SLC25A26: variants seen among roughly 807,000 people sequenced by gnomAD.
SLC25A26 encodes the protein solute carrier family 25 member 26, also known as mitochondrial S-adenosylmethionine carrier protein.
A neutral mutation model predicts 37.8 loss-of-function variants in SLC25A26; 36 were observed. The observed-to-expected ratio is 0.95, with a 90% CI of 0.73 to 1.26. The LOEUF (loss-of-function observed/expected upper bound fraction) is 1.26. Ranked by LOEUF, SLC25A26 falls within the 50% of genes most tolerant of loss-of-function variation. The pLI is 0.00. For missense variants in SLC25A26, 390 were observed against 331.1 expected (o/e 1.18, Z -1.38); for synonymous variants, 129 against 122.5 (o/e 1.05, Z -0.35).
At position 66,243,220 on chromosome 3, in the gene SLC25A26, A is replaced by G. The variant is rs782125306; in HGVS notation, c.208A>G (p.Thr70Ala). ...SFPNAAAFFI[T>A]YEYVKWFLHA... ...AATTTCAGCTGCTGCATTTTTTATC[A>G]CCTATGAATATGTGAAGTGGTTTTT... The change falls in exon 3 of 10, where the codon ACC becomes GCC. Residue 70 changes from threonine to alanine, a missense_variant. Coordinates refer to ENST00000354883, the MANE Select transcript of SLC25A26 (RefSeq NM_001379210.1). 1.3e-6 allele frequency: 2 copies of G among 1,593,896 alleles called. No individual in the cohort carries two copies. The highest frequency in any genetic ancestry group is 2.7e-5 in the African/African-American group (2 of 74,544).
intron 5 of SLC25A26, among the ~76,000 whole-genome samples, chr3:66,294,622 C>T (rs1438723778): frequency 6.6e-6 from 1 of 152,052 alleles, no homozygotes; most frequent in Non-Finnish European, 1.5e-5. Flanking sequence ...GTTTGGAAGG[C>T]TCTGTGTGAT....
At chr3:66,322,354 T>G (rs1233400144) in intron 5 of SLC25A26, among the ~76,000 whole-genome samples, 1 of 152,218 alleles carries the variant, frequency 6.6e-6, no homozygotes, top group Admixed American at 6.5e-5. Flanking sequence ...ATTTTCTCAT[T>G]AAGCAATGAG....
chr3:66,292,474 C>T (rs1241780739), intron 5 of SLC25A26, among the ~76,000 whole-genome samples: 2 of 152,146 alleles, frequency 1.3e-5, no homozygotes, highest in East Asian at 3.9e-4. Flanking sequence ...CCTTCAGGAG[C>T]TCCCATAAGC....
chr3:66,161,718 C>T (rs1029695301), intron 1 of SLC25A26, among the ~76,000 whole-genome samples: 12 of 152,116 alleles, frequency 7.9e-5, no homozygotes, highest in Non-Finnish European at 8.8e-5. Flanking sequence ...ATGCATTCAT[C>T]TATGGGCAAC....
chr3:66,342,718 C>G (rs2076236510), intron 5 of SLC25A26, among the ~76,000 whole-genome samples: 1 of 152,058 alleles, frequency 6.6e-6, no homozygotes, highest in Non-Finnish European at 1.5e-5. Context: ...TCATTTTATC[C>G]CTATTTCACC....
chr3:66,192,275 C>T (rs977842277), intron 1 of SLC25A26, among the ~76,000 whole-genome samples: 3 of 144,320 alleles, frequency 2.1e-5, no homozygotes, highest in Non-Finnish European at 4.5e-5. Context: ...GAGATTGCAC[C>T]ACTGCACTCC....
At chr3:66,357,965 G>A (rs2076614950) in intron 6 of SLC25A26, among the ~76,000 whole-genome samples, 1 of 152,136 alleles carries the variant, frequency 6.6e-6, no homozygotes, top group Non-Finnish European at 1.5e-5. Context: ...TCTCAACATT[G>A]AATGAGATTA....
intron 2 of SLC25A26, among the ~76,000 whole-genome samples, chr3:66,237,661 T>C (rs146140973): frequency 2.6e-5 from 4 of 152,396 alleles, no homozygotes; most frequent in Non-Finnish European, 5.9e-5. Flanking sequence ...CTGTTTTGTT[T>C]AATCTGCTTC....
At chr3:66,133,741 A>G (rs2069905195) in exon 1 of SLC25A26, 1 of 152,222 alleles carries the variant, frequency 6.6e-6, no homozygotes. Context: ...TTAGAATTAT[A>G]TTGAGAAATG....
chr3:66,205,779 T>C (rs2071168584), intron 1 of SLC25A26, among the ~76,000 whole-genome samples: 1 of 152,158 alleles, frequency 6.6e-6, no homozygotes, highest in Non-Finnish European at 1.5e-5. Context: ...TGGGCCAACA[T>C]TCAAGCTTAC....
rs568087548 is a variant in SLC25A26 at position 66,263,468 on chromosome 3, T to C, written c.453+89T>C. 116 of 801,360 alleles carry C rather than the reference T, an allele frequency of 1.4e-4. 1 individual carries two copies. In the East Asian group the frequency reaches 3.2e-3, roughly 22 times the overall value. 49.6% of individuals were successfully genotyped at this position (801,360 alleles called of 1,614,324 possible). ...TACTACTTAACAATTAGAAATATAT[T>C]TGGAGAAACTTGGTTTAAAAAATCA... On this transcript the variant is annotated intron_variant, in intron 5 of 9. Coordinates refer to ENST00000354883, the MANE Select transcript of SLC25A26 (RefSeq NM_001379210.1).
intron 1 of SLC25A26, among the ~76,000 whole-genome samples, chr3:66,200,645 C>T (rs1268911183): frequency 1.3e-5 from 2 of 152,074 alleles, no homozygotes; most frequent in East Asian, 3.8e-4. Flanking sequence ...TCATGGTCTC[C>T]CACAGAAGAA....
chr3:66,309,478 A>T (rs1188011906), intron 5 of SLC25A26, among the ~76,000 whole-genome samples: 3 of 151,272 alleles, frequency 2.0e-5, no homozygotes, highest in African/African-American at 4.8e-5. Context: ...TTTTTTTTTT[A>T]AAGTGTTTTT....
chr3:66,256,884 C>A (rs1382843334), intron 3 of SLC25A26, among the ~76,000 whole-genome samples: 1 of 152,108 alleles, frequency 6.6e-6, no homozygotes, highest in Non-Finnish European at 1.5e-5. Context: ...CAGAACGATA[C>A]CCTGTTTCTA....
intron 1 of SLC25A26, among the ~76,000 whole-genome samples, chr3:66,234,954 G>A (rs2072205210): frequency 6.6e-6 from 1 of 152,190 alleles, no homozygotes; most frequent in African/African-American, 2.4e-5. Flanking sequence ...ATGTAGGAAA[G>A]TTTCCTCTTT....
intron 5 of SLC25A26, among the ~76,000 whole-genome samples, chr3:66,314,718 G>T (rs2075481827): frequency 6.6e-6 from 1 of 151,536 alleles, no homozygotes; most frequent in African/African-American, 2.4e-5. Flanking sequence ...TATATTTCTG[G>T]TAGAATTCAG....
intron 6 of SLC25A26, among the ~76,000 whole-genome samples, chr3:66,347,605 C>T (rs554240763): frequency 6.6e-6 from 1 of 152,230 alleles, no homozygotes; most frequent in African/African-American, 2.4e-5. Context: ...ACCATTTGAC[C>T]CAGCAATCCC....
At chr3:66,346,302 T>A in intron 5 of SLC25A26, 62 bp from the exon 6 acceptor site, 1 of 781,378 alleles carries the variant, frequency 1.3e-6, no homozygotes, top group Non-Finnish European at 2.1e-6. Context: ...GCTCGTATAG[T>A]CATACAGGCA....
At chr3:66,244,710 C>T (rs1026368944) in intron 3 of SLC25A26, among the ~76,000 whole-genome samples, 6 of 152,068 alleles carry the variant, frequency 3.9e-5, no homozygotes, top group South Asian at 4.1e-4. Context: ...CGGTGGCTCA[C>T]GCCTGTAATC....
Sources: allele counts gnomAD v4.1 joint callset (sites outside exome capture counted in the v4.1 genomes callset), GRCh38; gene constraint gnomAD v4.1.1; transcripts MANE v1.5; gene names NCBI Gene and HGNC (gene_info 2026-07-23, HGNC 2026-07-21).